Variants in ACTR3C observed in about 807,000 individuals in gnomAD.
ACTR3C encodes the protein actin related protein 3C.
In ACTR3C, 18 loss-of-function variants were observed where a neutral mutation model predicts 26.3. The ratio of observed to expected loss-of-function variants is 0.68; its 90% confidence interval spans 0.47 to 1.01. The LOEUF is 1.01. ACTR3C is among the 50% of genes least tolerant of loss of function. ACTR3C has a pLI of 0.00. For missense variants in ACTR3C, 184 were observed against 250.7 expected (o/e 0.73, Z 1.80); for synonymous variants, 55 against 94.5 (o/e 0.58, Z 2.42).
chr7:150,273,213 G>C (rs1834584835), intron 6 of ACTR3C, among the ~76,000 whole-genome samples: 1 of 146,666 alleles, frequency 6.8e-6, no homozygotes, highest in African/African-American at 2.6e-5. Context: ...ATCTAATACT[G>C]TTTTCAAAGT....
chr7:150,001,380 G>A, the ACTR3C span: 1 of 152,266 alleles, frequency 6.6e-6, no homozygotes, highest in Non-Finnish European at 1.5e-5. Context: ...CGCCCCCTGC[G>A]GGAAACGTTC....
the ACTR3C span, among the ~76,000 whole-genome samples, chr7:149,980,825 A>G: frequency 6.6e-6 from 1 of 152,230 alleles, no homozygotes; most frequent in East Asian, 1.9e-4. Context: ...GTAAGAATTT[A>G]ACCATTTGCC....
chr7:150,119,245 C>T, the ACTR3C span, among the ~76,000 whole-genome samples: 1 of 152,110 alleles, frequency 6.6e-6, no homozygotes, highest in South Asian at 2.1e-4. Flanking sequence ...CAGTATTAAC[C>T]TTAAATGTAA....
chr7:150,239,503 GCTCGCTCTCTCTCTCTCTCTCT>G (rs1832051877), downstream of ACTR3C, among the ~76,000 whole-genome samples: 3 of 96,446 alleles, frequency 3.1e-5, no homozygotes, highest in African/African-American at 1.5e-4. Flanking sequence ...CATAAAAGTT[GCTCGCTCTCTCTCTCTCTCTCT>G]CTCTCTCTCT....
the ACTR3C span, among the ~76,000 whole-genome samples, chr7:150,036,226 A>T: frequency 6.8e-6 from 1 of 146,398 alleles, no homozygotes; most frequent in Non-Finnish European, 1.6e-5. Flanking sequence ...GCCATCACAA[A>T]ATGGGGGGCC....
chr7:149,976,855 C>T, the ACTR3C span, among the ~76,000 whole-genome samples: 18 of 151,550 alleles, frequency 1.2e-4, no homozygotes, highest in Admixed American at 5.9e-4. Flanking sequence ...TACAGCATCG[C>T]ATGGTGGCCC....
At chr7:150,054,147 A>G in the ACTR3C span, among the ~76,000 whole-genome samples, 1 of 152,244 alleles carries the variant, frequency 6.6e-6, no homozygotes, top group African/African-American at 2.4e-5. Context: ...CAAGAGCATA[A>G]TATAGCGGAG....
the ACTR3C span, among the ~76,000 whole-genome samples, chr7:150,019,989 G>A: frequency 9.2e-5 from 14 of 152,122 alleles, no homozygotes; most frequent in African/African-American, 3.1e-4. Flanking sequence ...TCTACACATT[G>A]TGTCTATTAT....
the ACTR3C span, among the ~76,000 whole-genome samples, chr7:150,065,074 G>C: frequency 6.6e-6 from 1 of 151,828 alleles, no homozygotes; most frequent in East Asian, 1.9e-4. Flanking sequence ...ATAAAAGCAT[G>C]ATGCTGGGCT....
At chr7:150,254,186 A>G (rs1354031074) in intron 6 of ACTR3C, among the ~76,000 whole-genome samples, 1 of 152,146 alleles carries the variant, frequency 6.6e-6, no homozygotes, top group Non-Finnish European at 1.5e-5. Flanking sequence ...CTCTTTAGAG[A>G]TACCCCATAT....
chr7:149,902,951 AAG>A, the ACTR3C span, among the ~76,000 whole-genome samples: 27 of 26,508 alleles, frequency 1.0e-3, 10 homozygotes, highest in South Asian at 0.09. Flanking sequence ...AAAAAAAAAA[AAG>A]AAAGAAAGAG....
the ACTR3C span, among the ~76,000 whole-genome samples, chr7:150,149,414 A>G: frequency 6.6e-6 from 1 of 151,670 alleles, no homozygotes; most frequent in South Asian, 2.1e-4. Context: ...TTACATAGGT[A>G]TACGTGTGCC....
the ACTR3C span, among the ~76,000 whole-genome samples, chr7:150,104,586 T>A: frequency 4.0e-5 from 6 of 151,440 alleles, no homozygotes; most frequent in African/African-American, 1.2e-4. Flanking sequence ...GTCAGTGCCA[T>A]CTGTTAACTC....
chr7:150,298,311 A>C (rs1343976778), intron 1 of ACTR3C, among the ~76,000 whole-genome samples: 1 of 150,406 alleles, frequency 6.6e-6, no homozygotes, highest in Non-Finnish European at 1.5e-5. Context: ...ATAAGTCTTC[A>C]GTTAAAAAAT....
the ACTR3C span, among the ~76,000 whole-genome samples, chr7:150,211,319 G>C: frequency 5.3e-5 from 8 of 150,094 alleles, no homozygotes; most frequent in African/African-American, 2.0e-4. Context: ...ATCTCACTCT[G>C]TCACCCAGGC....
chr7:149,885,023 G>C, the ACTR3C span, among the ~76,000 whole-genome samples: 1 of 152,076 alleles, frequency 6.6e-6, no homozygotes, highest in Non-Finnish European at 1.5e-5. Context: ...TTTTGTGGGG[G>C]AGGGGGAGCA....
chr7:150,148,033 C>A, the ACTR3C span, among the ~76,000 whole-genome samples: 2 of 145,772 alleles, frequency 1.4e-5, no homozygotes, highest in Admixed American at 7.0e-5. Flanking sequence ...GGGAAAACAG[C>A]TAATGGGTAC....
the ACTR3C span, among the ~76,000 whole-genome samples, chr7:149,990,911 A>G: frequency 6.6e-6 from 1 of 152,352 alleles, no homozygotes; most frequent in South Asian, 2.1e-4. Context: ...GGGACAAGCC[A>G]AAAGTGAGAC....
the ACTR3C span, among the ~76,000 whole-genome samples, chr7:150,149,108 T>C: frequency 8.2e-6 from 1 of 122,394 alleles, no homozygotes; most frequent in Non-Finnish European, 1.6e-5. Flanking sequence ...TATATATATA[T>C]ATATATATAT....
Sources: allele counts gnomAD v4.1 joint callset (sites outside exome capture counted in the v4.1 genomes callset), GRCh38; gene constraint gnomAD v4.1.1; transcripts MANE v1.5; gene names NCBI Gene and HGNC (gene_info 2026-07-23, HGNC 2026-07-21).